Variants in MAGI1 observed in about 807,000 individuals in gnomAD.
MAGI1 encodes membrane-associated guanylate kinase, WW and PDZ domain-containing protein 1.
MAGI1 carries 58 observed loss-of-function variants against 139.9 expected under a neutral mutation model. The ratio of observed to expected loss-of-function variants is 0.41; its 90% CI spans 0.34 to 0.52. The LOEUF is 0.52. Among genes scored for constraint, MAGI1 ranks in the 20% least tolerant of loss-of-function variants. MAGI1 has a pLI of 0.12. For synonymous variants in MAGI1, 812 were observed against 737.9 expected (o/e 1.10, Z -1.63); for missense variants, 1,874 against 1,901.6 (o/e 0.99, Z 0.27).
rs142780338 is a variant in MAGI1, at chr3:65,473,406, C to T, written c.758-2922G>A. ...AAGTGCCTGGCACCTGGGGCATGCT[C>T]AATGGGTGCTTGGGACTGAGACCTC... On this transcript the variant is annotated intron_variant, in intron 4 of 22. Transcript: ENST00000402939. 7.2e-5 allele frequency among the ~76,000 whole-genome samples: 11 copies of T among 152,246 alleles called. 1 individual carries two copies. The East Asian group carries it at 2.1e-3, about 29-fold the overall frequency.
At chr3:65,924,839 T>C (rs2062414100) in intron 1 of MAGI1, 1 of 152,318 alleles carries the variant, frequency 6.6e-6, no homozygotes, top group South Asian at 2.1e-4. Flanking sequence ...CTCACAGTCA[T>C]GCCTGGCACA....
chr3:65,661,440 A>G (rs2086182181), intron 1 of MAGI1, among the ~76,000 whole-genome samples: 1 of 152,184 alleles, frequency 6.6e-6, no homozygotes, highest in Admixed American at 6.5e-5. Context: ...GAGGGAAAAA[A>G]GTGGGTCCAA....
chr3:65,850,368 TGG>T (rs2059159993), intron 1 of MAGI1, among the ~76,000 whole-genome samples: 1 of 152,174 alleles, frequency 6.6e-6, no homozygotes, highest in African/African-American at 2.4e-5. Context: ...CGGCGCTTTC[TGG>T]GTTTTAAAAC....
At chr3:65,380,825 A>G (rs1327123485) in intron 16 of MAGI1, 1 of 152,230 alleles carries the variant, frequency 6.6e-6, no homozygotes, top group African/African-American at 2.4e-5. Context: ...TTTTAGCTAC[A>G]TGGAATAGTA....
Position 65,643,390 on chromosome 3 carries a change from C to T in MAGI1, c.314-21302G>A, listed in dbSNP as rs150159056. ...AAGTCAATGTCTCATTTGCTATCTA[C>T]GAAAAATAAAGAGGGTGACACTTCC... On this transcript the variant is annotated intron_variant, in intron 1 of 22. Coordinates refer to ENST00000402939, the MANE Select transcript of MAGI1 (RefSeq NM_001033057.2). 2.6e-5 allele frequency among the ~76,000 whole-genome samples: 4 copies of T among 152,202 alleles called. No homozygotes were observed. The East Asian group carries it at 7.7e-4, about 29-fold the overall frequency.
At chr3:65,948,715 G>A (rs1438279713) in intron 1 of MAGI1, among the ~76,000 whole-genome samples, 1 of 152,164 alleles carries the variant, frequency 6.6e-6, no homozygotes, top group South Asian at 2.1e-4. Flanking sequence ...AGTCTCAAAT[G>A]AGTACATCTA....
At chr3:65,937,667 T>C (rs868052062) in intron 1 of MAGI1, among the ~76,000 whole-genome samples, 1 of 152,114 alleles carries the variant, frequency 6.6e-6, no homozygotes, top group Admixed American at 6.6e-5. Flanking sequence ...TTTAAGCCAC[T>C]TCTTTTATTT....
chr3:66,038,605 ACTCTGCGCCG>A lies in MAGI1; in HGVS notation c.-307_-298del, dbSNP rs2069067014. 5.3e-6 allele frequency: 2 copies of A among 376,174 alleles called. No individual in the cohort carries two copies. Among genetic ancestry groups the A allele is most frequent in the Non-Finnish European group, 9.4e-6 (2 of 212,156 alleles). 23.3% of individuals were successfully genotyped at this position (376,174 alleles called of 1,614,324 possible). A position where few individuals can be genotyped will look rare whatever the true frequency, so the allele number is the denominator to read the frequency against. On this transcript the variant is annotated 5_prime_UTR_variant, in exon 1 of 23. Coordinates refer to ENST00000402939, the MANE Select transcript of MAGI1 (RefSeq NM_001033057.2). ...CCCGTGCTCTCCCGGACCAGAGTCC[ACTCTGCGCCG>A]CTCGGGTTATTTTTTTTTCCTTCCT...
chr3:65,580,184 C>T (rs1220861699), intron 2 of MAGI1, among the ~76,000 whole-genome samples: 2 of 152,254 alleles, frequency 1.3e-5, no homozygotes, highest in East Asian at 1.9e-4. Context: ...CATCAATTAG[C>T]AACACAGAGA....
chr3:65,406,001 C>T (rs1012637103), intron 12 of MAGI1, among the ~76,000 whole-genome samples: 3 of 152,204 alleles, frequency 2.0e-5, no homozygotes. Flanking sequence ...GCTGGGATTA[C>T]AGGCGTGAGC....
intron 1 of MAGI1, among the ~76,000 whole-genome samples, chr3:65,796,433 C>G (rs2040154267): frequency 6.6e-6 from 1 of 152,114 alleles, no homozygotes; most frequent in Non-Finnish European, 1.5e-5. Flanking sequence ...GTGGCCTAGC[C>G]AAGTACAAAC....
chr3:65,583,046 C>T (rs1033743332), intron 2 of MAGI1, among the ~76,000 whole-genome samples: 3 of 152,168 alleles, frequency 2.0e-5, no homozygotes, highest in Non-Finnish European at 4.4e-5. Context: ...ATCCAAACTA[C>T]TGTAATTTCA....
intron 2 of MAGI1, among the ~76,000 whole-genome samples, chr3:65,494,279 T>A (rs551236772): frequency 5.9e-5 from 9 of 152,162 alleles, no homozygotes; most frequent in African/African-American, 2.2e-4. Flanking sequence ...GCTAGAAAAT[T>A]CTCCCCCTGC....
intron 3 of MAGI1, among the ~76,000 whole-genome samples, chr3:65,490,843 C>CACAA (rs1951969631): frequency 1.5e-5 from 1 of 64,754 alleles, no homozygotes; most frequent in Non-Finnish European, 2.7e-5. Context: ...GACTCTGTCT[C>CACAA]AAAAAAAAAA....
chr3:65,366,772 CA>C (rs1480820888), intron 18 of MAGI1, among the ~76,000 whole-genome samples: 1 of 152,154 alleles, frequency 6.6e-6, no homozygotes, highest in Non-Finnish European at 1.5e-5. Context: ...AAAAACTGCT[CA>C]GAAGTGATTA....
At chr3:65,891,158 C>T (rs1027707370) in intron 1 of MAGI1, among the ~76,000 whole-genome samples, 6 of 150,670 alleles carry the variant, frequency 4.0e-5, no homozygotes, top group Admixed American at 1.3e-4. Context: ...GGATGCAGTG[C>T]GCCATTACAC....
intron 16 of MAGI1, among the ~76,000 whole-genome samples, chr3:65,379,826 T>A (rs1308550307): frequency 1.3e-5 from 2 of 152,124 alleles, no homozygotes; most frequent in Non-Finnish European, 2.9e-5. Context: ...TATGTCGACA[T>A]CCACACTCAG....
At chr3:65,861,772 CAG>C (rs1172372236) in intron 1 of MAGI1, among the ~76,000 whole-genome samples, 2 of 151,092 alleles carry the variant, frequency 1.3e-5, no homozygotes, top group African/African-American at 4.9e-5. Context: ...GGCTGAATCA[CAG>C]GGACTGGGCC....
chr3:65,526,156 C>T (rs976073364), intron 2 of MAGI1, among the ~76,000 whole-genome samples: 14 of 152,148 alleles, frequency 9.2e-5, no homozygotes, highest in Non-Finnish European at 1.8e-4. Flanking sequence ...ACTCCAGTGG[C>T]GGCAGGGTGG....
Sources: allele counts gnomAD v4.1 joint callset (sites outside exome capture counted in the v4.1 genomes callset), GRCh38; gene constraint gnomAD v4.1.1; transcripts MANE v1.5; gene names NCBI Gene and HGNC (gene_info 2026-07-23, HGNC 2026-07-21).